LRRTM4: variants seen among roughly 807,000 people sequenced by gnomAD.
LRRTM4 encodes leucine-rich repeat transmembrane neuronal protein 4.
A neutral mutation model predicts 47.6 loss-of-function variants in LRRTM4; 25 were observed. The observed-to-expected ratio is 0.53, with a 90% CI of 0.38 to 0.73. The LOEUF is 0.73. Ranked by LOEUF, LRRTM4 falls within the 30% of genes least tolerant of loss-of-function variation. LRRTM4 has a pLI of 0.00. For synonymous variants in LRRTM4, 311 were observed against 269.5 expected (o/e 1.15, Z -1.51); for missense variants, 638 against 713.4 (o/e 0.89, Z 1.20).
intron 3 of LRRTM4, among the ~76,000 whole-genome samples, chr2:77,312,602 C>A (rs374837316): frequency 3.9e-5 from 6 of 151,974 alleles, no homozygotes; most frequent in African/African-American, 1.4e-4. Flanking sequence ...TGCATAATTA[C>A]GTATTTGGTT....
intron 3 of LRRTM4, among the ~76,000 whole-genome samples, chr2:76,921,678 T>G (rs536371408): frequency 6.6e-6 from 1 of 152,152 alleles, no homozygotes; most frequent in Non-Finnish European, 1.5e-5. Context: ...GCTCAAGTTG[T>G]TTCAGTTTTG....
intron 3 of LRRTM4, among the ~76,000 whole-genome samples, chr2:77,349,487 C>T (rs1397111708): frequency 6.6e-6 from 1 of 151,912 alleles, no homozygotes; most frequent in Non-Finnish European, 1.5e-5. Flanking sequence ...AACTTATTTC[C>T]CCAAAATGTA....
chr2:76,813,513 T>C (rs1326800691), intron 3 of LRRTM4, among the ~76,000 whole-genome samples: 1 of 152,160 alleles, frequency 6.6e-6, no homozygotes, highest in Non-Finnish European at 1.5e-5. Flanking sequence ...TGTGATATTC[T>C]TTCTGTTTCT....
intron 3 of LRRTM4, among the ~76,000 whole-genome samples, chr2:77,025,074 G>C (rs2028913): frequency 0.52 from 79,341 of 151,892 alleles, 21,794 homozygotes; most frequent in African/African-American, 0.68. Flanking sequence ...AAATCAGTAC[G>C]TTCATAATTA....
chr2:77,396,627 A>G (rs1465130216), intron 3 of LRRTM4, among the ~76,000 whole-genome samples: 2 of 152,008 alleles, frequency 1.3e-5, no homozygotes, highest in African/African-American at 4.8e-5. Context: ...ATGTATATTT[A>G]TGAGAATTTA....
intron 3 of LRRTM4, among the ~76,000 whole-genome samples, chr2:76,951,299 GGA>G (rs2103886590): frequency 6.6e-6 from 1 of 152,072 alleles, no homozygotes; most frequent in Admixed American, 6.5e-5. Flanking sequence ...ATAATGATTA[GGA>G]GAGTATGAAC....
chr2:76,760,523 CA>C lies in LRRTM4; in HGVS notation c.1552-11608del, dbSNP rs376090962. On this transcript the variant is annotated intron_variant, in intron 3 of 3. Coordinates refer to ENST00000409884, the MANE Select transcript of LRRTM4 (RefSeq NM_001134745.3). The stretch of plus-strand genomic sequence containing the variant: ...GGTACGTGTAGCTTCCATATACAGA[CA>C]GCACGTCTGCTACTGCTACCCTGGT... Among the ~76,000 whole-genome samples, 26 of 152,166 alleles carry C rather than the reference CA, an allele frequency of 1.7e-4. No homozygotes were observed. In the South Asian group the frequency reaches 4.8e-3, roughly 28 times the overall value.
At chr2:77,360,195 C>A (rs145110783) in intron 3 of LRRTM4, among the ~76,000 whole-genome samples, 3 of 152,198 alleles carry the variant, frequency 2.0e-5, no homozygotes, top group Admixed American at 2.0e-4. Flanking sequence ...CAGTGGCTCA[C>A]GCCTGTAATC....
At chr2:77,046,913 A>C (rs748087425) in intron 3 of LRRTM4, among the ~76,000 whole-genome samples, 1 of 152,052 alleles carries the variant, frequency 6.6e-6, no homozygotes, top group African/African-American at 2.4e-5. Flanking sequence ...GGGAAGCAGA[A>C]GCCTGATACT....
At chr2:76,900,799 G>A (rs1673598447) in intron 3 of LRRTM4, among the ~76,000 whole-genome samples, 2 of 152,202 alleles carry the variant, frequency 1.3e-5, no homozygotes, top group Admixed American at 1.3e-4. Context: ...TTAACATTAT[G>A]GGAAAATGTT....
At chr2:77,127,000 G>A (rs1157646092) in intron 3 of LRRTM4, among the ~76,000 whole-genome samples, 1 of 152,138 alleles carries the variant, frequency 6.6e-6, no homozygotes, top group East Asian at 1.9e-4. Flanking sequence ...TGGGAAGGTT[G>A]CTATACTGTC....
At chr2:77,019,253 CAAAAAAAAAAA>C (rs56028060) in intron 3 of LRRTM4, among the ~76,000 whole-genome samples, 61 of 80,564 alleles carry the variant, frequency 7.6e-4, no homozygotes, top group Non-Finnish European at 1.4e-3. Flanking sequence ...CACTGCTCTA[CAAAAAAAAAAA>C]AAAAAAAAAA....
chr2:77,048,275 G>A lies in LRRTM4; in HGVS notation c.1552-299359C>T, dbSNP rs140271221. Among the ~76,000 whole-genome samples the A allele has an allele frequency of 1.2e-3, 183 of 152,128 alleles. 1 individual carries two copies. The Middle Eastern group carries it at 0.014, about 11-fold the overall frequency. ...GGTACATTCAGAATGGTCAGCTGAA[G>A]TATTGGCGTGAGAAATTGTTTTTAT... On this transcript the variant is annotated intron_variant, in intron 3 of 3. Coordinates refer to ENST00000409884, the MANE Select transcript of LRRTM4 (RefSeq NM_001134745.3).
chr2:77,422,830 C>A (rs1407527928), intron 3 of LRRTM4, among the ~76,000 whole-genome samples: 2 of 151,932 alleles, frequency 1.3e-5, no homozygotes, highest in African/African-American at 4.8e-5. Context: ...ATATGTGAAA[C>A]AATTTGAATT....
intron 3 of LRRTM4, among the ~76,000 whole-genome samples, chr2:77,296,725 T>A (rs1251561166): frequency 1.3e-5 from 2 of 152,188 alleles, no homozygotes; most frequent in Non-Finnish European, 2.9e-5. Context: ...CTTCAGGAAT[T>A]GCACTCCCCA....
intron 3 of LRRTM4, among the ~76,000 whole-genome samples, chr2:77,243,283 G>A (rs934351569): frequency 5.9e-5 from 9 of 151,896 alleles, no homozygotes; most frequent in African/African-American, 2.2e-4. Context: ...GGTGGTGCAT[G>A]CCTGTAATCC....
chr2:76,797,482 G>C (rs1190984664), intron 3 of LRRTM4, among the ~76,000 whole-genome samples: 5 of 151,812 alleles, frequency 3.3e-5, no homozygotes, highest in South Asian at 2.1e-4. Flanking sequence ...ACATGGAAAG[G>C]AACAACCGGT....
intron 3 of LRRTM4, among the ~76,000 whole-genome samples, chr2:77,165,132 T>C (rs1179911737): frequency 6.6e-6 from 1 of 152,024 alleles, no homozygotes; most frequent in East Asian, 1.9e-4. Flanking sequence ...AAAGGGGATA[T>C]CACCACTGAT....
At chr2:76,964,864 T>C (rs1361142101) in intron 3 of LRRTM4, among the ~76,000 whole-genome samples, 1 of 150,740 alleles carries the variant, frequency 6.6e-6, no homozygotes, top group Non-Finnish European at 1.5e-5. Flanking sequence ...CTAGGCCCTT[T>C]GTAATTTTCC....
Sources: allele counts gnomAD v4.1 joint callset (sites outside exome capture counted in the v4.1 genomes callset), GRCh38; gene constraint gnomAD v4.1.1; transcripts MANE v1.5; gene names NCBI Gene and HGNC (gene_info 2026-07-23, HGNC 2026-07-21).